The following RANBP2 variants were observed in gnomAD, a reference collection of about 807,000 sequenced individuals.
RANBP2 encodes the protein RAN binding protein 2.
RANBP2 carries 57 observed loss-of-function variants against 303.6 expected under a neutral mutation model. That is an observed-to-expected ratio of 0.19 (90% CI 0.15 to 0.23). RANBP2 has a LOEUF of 0.23. Among genes scored for constraint, RANBP2 ranks in the 10% least tolerant of loss-of-function variants. The pLI, the probability that RANBP2 is intolerant of heterozygous loss-of-function variation, is 1.00. For synonymous variants in RANBP2, 1,167 were observed against 1,301.5 expected, an observed-to-expected ratio of 0.90 and a Z score of 2.23; for missense variants, 3,138 against 3,780.8, an observed-to-expected ratio of 0.83 and a Z score of 4.46.
At chr2:109,596,135 G>A in the RANBP2 span, among the ~76,000 whole-genome samples, 4 of 152,192 alleles carry the variant, frequency 2.6e-5, no homozygotes, top group East Asian at 3.9e-4. Context: ...GGGCTCAGGC[G>A]ATCCTCCCAC....
the RANBP2 span, among the ~76,000 whole-genome samples, chr2:109,078,102 A>ATATATATATGGCG: frequency 9.4e-4 from 85 of 90,104 alleles, 1 homozygote; most frequent in Non-Finnish European, 1.2e-3. Flanking sequence ...ATATATATAT[A>ATATATATATGGCG]TATATATATA....
At chr2:109,254,428 A>C in the RANBP2 span, among the ~76,000 whole-genome samples, 3 of 152,096 alleles carry the variant, frequency 2.0e-5, no homozygotes, top group East Asian at 1.9e-4. Flanking sequence ...GGGGAGGTTA[A>C]ATGGATTAAT....
At chr2:109,188,352 C>T in the RANBP2 span, among the ~76,000 whole-genome samples, 25 of 152,340 alleles carry the variant, frequency 1.6e-4, no homozygotes, top group Non-Finnish European at 3.4e-4. Flanking sequence ...GTCCTGTCTT[C>T]CTCACAGTGA....
At chr2:109,252,092 C>A in the RANBP2 span, among the ~76,000 whole-genome samples, 1 of 61,888 alleles carries the variant, frequency 1.6e-5, no homozygotes, top group Non-Finnish European at 2.7e-5. Flanking sequence ...ACAAAAAATA[C>A]AAATAGCTGA....
At chr2:109,375,719 G>A in the RANBP2 span, among the ~76,000 whole-genome samples, 6 of 152,232 alleles carry the variant, frequency 3.9e-5, no homozygotes, top group East Asian at 7.7e-4. Context: ...CATGAGTGCC[G>A]GGGCTGAGCA....
chr2:109,051,499 CA>C, the RANBP2 span, among the ~76,000 whole-genome samples: 4 of 152,196 alleles, frequency 2.6e-5, no homozygotes, highest in African/African-American at 9.7e-5. Flanking sequence ...GAGTCGTCCG[CA>C]ATGTGCAGAA....
the RANBP2 span, among the ~76,000 whole-genome samples, chr2:109,066,547 G>A: frequency 2.6e-5 from 4 of 152,134 alleles, no homozygotes; most frequent in African/African-American, 9.7e-5. Context: ...GTAGGAGTGA[G>A]GCTCCCTCCT....
chr2:108,796,117 C>T, the RANBP2 span, among the ~76,000 whole-genome samples: 1 of 152,070 alleles, frequency 6.6e-6, no homozygotes, highest in East Asian at 1.9e-4. Flanking sequence ...GGCGCAATCT[C>T]GGCTCACTGC....
chr2:109,560,884 T>C, the RANBP2 span, among the ~76,000 whole-genome samples: 1 of 152,186 alleles, frequency 6.6e-6, no homozygotes, highest in Non-Finnish European at 1.5e-5. Flanking sequence ...AATTTTACCT[T>C]CTAGTCATCT....
the RANBP2 span, among the ~76,000 whole-genome samples, chr2:109,124,766 T>C: frequency 6.6e-6 from 1 of 152,352 alleles, no homozygotes; most frequent in Admixed American, 6.5e-5. Flanking sequence ...TGTCTCCCTG[T>C]ATCAGATTTC....
At chr2:109,722,183 C>T in the RANBP2 span, among the ~76,000 whole-genome samples, 1,838 of 152,226 alleles carry the variant, frequency 0.012, 16 homozygotes, top group Non-Finnish European at 0.017. Context: ...TGGGGCCCTG[C>T]GGACTTGTTT....
At chr2:109,552,826 G>C in the RANBP2 span, 1 of 374,774 alleles carries the variant, frequency 2.7e-6, no homozygotes, top group Non-Finnish European at 4.8e-6. Flanking sequence ...GGTAGCTGCT[G>C]CAGCTTCCAG....
chr2:109,448,429 T>A, the RANBP2 span, among the ~76,000 whole-genome samples: 2 of 152,100 alleles, frequency 1.3e-5, no homozygotes, highest in African/African-American at 4.8e-5. Context: ...AAGGAAAACT[T>A]CATCTGTATT....
chr2:109,312,515 T>C, the RANBP2 span, among the ~76,000 whole-genome samples: 1 of 151,746 alleles, frequency 6.6e-6, no homozygotes, highest in South Asian at 2.1e-4. Flanking sequence ...TCTCTACCCA[T>C]CAGCAGCCAC....
At chr2:108,768,447 A>G in intron 20 of RANBP2, 59 bp downstream of exon 20, 1 of 1,605,290 alleles carries the variant, frequency 6.2e-7, no homozygotes, top group Non-Finnish European at 8.5e-7. Context: ...GTTTAGCTTG[A>G]TGCAGACTCT....
the RANBP2 span, chr2:109,544,435 A>G: frequency 2.1e-6 from 3 of 1,419,774 alleles, no homozygotes; most frequent in Non-Finnish European, 2.7e-6. Context: ...GACTTTGAAA[A>G]AGAAAAGAAA....
At chr2:108,726,660 A>G (rs1694738196) in intron 1 of RANBP2, among the ~76,000 whole-genome samples, 1 of 151,376 alleles carries the variant, frequency 6.6e-6, no homozygotes, top group Non-Finnish European at 1.5e-5. Context: ...TTTATTGATA[A>G]TTCTTGGGTG....
chr2:108,824,657 A>G, the RANBP2 span, among the ~76,000 whole-genome samples: 1 of 152,246 alleles, frequency 6.6e-6, no homozygotes, highest in Non-Finnish European at 1.5e-5. Flanking sequence ...AGTATAGTGT[A>G]GCAAATATGT....
chr2:109,370,401 G>T, the RANBP2 span, among the ~76,000 whole-genome samples: 1 of 151,904 alleles, frequency 6.6e-6, no homozygotes, highest in Non-Finnish European at 1.5e-5. Flanking sequence ...CACCATGCCC[G>T]GCTTATTTTT....
Sources: gnomAD v4.1 joint callset for allele counts (sites outside exome capture counted in the v4.1 genomes callset) on GRCh38, gnomAD v4.1.1 for gene constraint, MANE v1.5 for transcripts, NCBI Gene and HGNC (gene_info 2026-07-23, HGNC 2026-07-21) for gene names.